Variants in XYLT2 observed in about 807,000 individuals in gnomAD.
XYLT2 encodes the protein xylosyltransferase 2, also known as UDP-D-xylose:proteoglycan core protein beta-D-xylosyltransferase.
XYLT2 carries 37 observed loss-of-function variants against 82.6 expected under a neutral mutation model. The observed-to-expected ratio is 0.45, with a 90% CI of 0.34 to 0.59. The LOEUF is 0.59. Ranked by LOEUF, XYLT2 falls within the 20% of genes least tolerant of loss-of-function variation. XYLT2 has a pLI of 0.01. For synonymous variants in XYLT2, 474 were observed against 499.0 expected, an observed-to-expected ratio of 0.95 and a Z score of 0.67; for missense variants, 934 against 1,181.3, an observed-to-expected ratio of 0.79 and a Z score of 3.07.
Position 50,357,084 on chromosome 17 carries a change from C to T in XYLT2, c.1773C>T (p.Ser591=), listed in dbSNP as rs769862588. The T allele has an allele frequency of 1.8e-4, 291 of 1,611,592 alleles. No individual in the cohort carries two copies. Among genetic ancestry groups the T allele is most frequent in the Middle Eastern group, 3.3e-4 (2 of 6,072 alleles). ...TTGAGCCCAGGGGCTTGCCGTCCAGCGTGCACCTGTATTTCTATGACGACC... is the reference window on the plus strand; with the variant it reads ...TTGAGCCCAGGGGCTTGCCGTCCAGTGTGCACCTGTATTTCTATGACGACC... The part of the protein sequence containing the change: ...CRFEPRGLPS[S]VHLYFYDDHF... Residue 591 remains serine, a synonymous_variant, in exon 9 of 11, where the codon AGC becomes AGT. Transcript: ENST00000017003.
chr17:50,347,622 G>A (rs186737353), intron 1 of XYLT2, among the ~76,000 whole-genome samples: 93 of 152,336 alleles, frequency 6.1e-4, no homozygotes, highest in African/African-American at 2.1e-3. Context: ...GGAGCCCTCT[G>A]ACCCTGGAAT....
chr17:50,358,402 C>T lies in XYLT2; in HGVS notation c.2137C>T (p.Gln713Ter), dbSNP rs1314006456. 6.2e-7 allele frequency: 1 copy of T among 1,614,016 alleles called. No individual in the cohort carries two copies. The highest frequency in any genetic ancestry group is 8.5e-7 in the Non-Finnish European group (1 of 1,180,050). The change falls in exon 10 of 11, where the codon CAA becomes TAA. Residue 713 changes from glutamine (Q) to a stop codon, truncating the protein, a stop_gained. Coordinates refer to ENST00000017003, the MANE Select transcript of XYLT2 (RefSeq NM_022167.4). LOFTEE classifies it high-confidence loss of function. ...AGTAGATACGGAGACTGAGGTCACG[C>T]AATACAAGCCCCCACTGAGCCGGCC... ...ITVDTETEVT[Q>*]YKPPLSRPLR...
Position 50,356,022 on chromosome 17 carries a change from G to C in XYLT2, c.1305+25G>C, listed in dbSNP as rs555233211. The C allele has an allele frequency of 1.5e-4, 250 of 1,614,198 alleles. 3 individuals are homozygous for C. In the South Asian group the frequency reaches 2.5e-3, roughly 16 times the overall value. The stretch of plus-strand genomic sequence containing the variant: ...GGTGGGTAGCCCAGCAGGCATGAAG[G>C]CCAGGGAGGGCGTGGGTTGGGCTGC... On this transcript the variant is annotated intron_variant, in intron 6 of 10. Transcript: ENST00000017003.
chr17:50,356,477 G>C (rs764470045), intron 7 of XYLT2, 34 bp from the exon 8 acceptor site: 6 of 1,607,598 alleles, frequency 3.7e-6, no homozygotes, highest in Non-Finnish European at 5.1e-6. Flanking sequence ...GGGGCTTCCA[G>C]AGCCCTTCAC....
At position 50,347,014 on chromosome 17, in the gene XYLT2, G is replaced by C. The variant is rs958536563; in HGVS notation, c.135+739G>C. ...GAATGGGGACTGTAACAGAGCCCCA[G>C]CCGCAGAGCAGGGGCAACCAACAGC... On this transcript the variant is annotated intron_variant, in intron 1 of 10. Transcript: ENST00000017003. The C allele has an allele frequency of 7.1e-5, 62 of 873,638 alleles. No homozygotes were observed. The African/African-American group carries it at 1.1e-3, about 15-fold the overall frequency. The allele number at this position is 873,638 out of a possible 1,614,324, so 54.1% of individuals were successfully genotyped here.
chr17:50,356,103 C>G lies in XYLT2; in HGVS notation c.1324C>G (p.Leu442Val), dbSNP rs1253283692. ...LPAESFFHTVLENSLACETLV... is the reference protein window; with the variant it reads ...LPAESFFHTVVENSLACETLV... ...CTTGCAGTCCTTCTTCCACACGGTG[C>G]TGGAGAACAGCCTGGCCTGTGAGAC... Residue 442 changes from leucine (L) to valine (V), a missense_variant, in exon 7 of 11, where the codon CTG becomes GTG. This residue lies in a region of XYLT2 where 189 missense variants were observed against 320.8 expected (regional missense o/e 0.59). Coordinates refer to ENST00000017003, the MANE Select transcript of XYLT2 (RefSeq NM_022167.4). 1.2e-6 allele frequency: 2 copies of G among 1,614,114 alleles called. No homozygotes were observed. The highest frequency in any genetic ancestry group is 1.7e-6 in the Non-Finnish European group (2 of 1,180,040).
Position 50,354,543 on chromosome 17 carries a change from T to A in XYLT2, c.764T>A (p.Val255Asp), listed in dbSNP as rs1449088844. Reference protein sequence around the residue: ...IRQLKRLLKAVYHEQHFFYIH... With the variant: ...IRQLKRLLKADYHEQHFFYIH... ...CAGCTGAAGCGTCTCCTCAAGGCCG[T>A]TTATCACGAGCAGCACTTCTTTTAC... The change falls in exon 3 of 11, where the codon GTT becomes GAT. Residue 255 changes from valine to aspartate, a missense_variant. Val to Asp is a radical substitution (Grantham distance 152). Transcript: ENST00000017003. 6.2e-7 allele frequency: 1 copy of A among 1,612,566 alleles called. No individual in the cohort carries two copies. Among genetic ancestry groups the A allele is most frequent in the African/African-American group, 1.3e-5 (1 of 74,914 alleles).
Position 50,360,787 on chromosome 17 carries a change from G to A in XYLT2, c.*496G>A, listed in dbSNP as rs78035001. 212,516 of 985,868 alleles carry A rather than the reference G, an allele frequency of 0.22. 23,498 individuals carry two copies. Among genetic ancestry groups the A allele is most frequent in the Admixed American group, 0.3 (4,820 of 16,262 alleles). 61.1% of individuals were successfully genotyped at this position (985,868 alleles called of 1,614,324 possible). A position where few individuals can be genotyped will look rare whatever the true frequency, so the allele number is the denominator to read the frequency against. On this transcript the variant is annotated 3_prime_UTR_variant, in exon 11 of 11. Transcript: ENST00000017003. Reference sequence around the variant, plus strand: ...GCCCCATTCTGGGCCTGTGGTGCTCGTGGCTGAGGCTCCACAGGGCTGCAA... The same window carrying A: ...GCCCCATTCTGGGCCTGTGGTGCTCATGGCTGAGGCTCCACAGGGCTGCAA...
At chr17:50,356,489 C>T (rs1311340687) in intron 7 of XYLT2, 22 bp from the exon 8 acceptor site, 2 of 1,611,860 alleles carry the variant, frequency 1.2e-6, no homozygotes, top group Non-Finnish European at 8.5e-7. Flanking sequence ...GCCCTTCACC[C>T]TCCTTGCCTC....
chr17:50,356,029 A>T, intron 6 of XYLT2, 32 bp downstream of exon 6: 1 of 1,614,156 alleles, frequency 6.2e-7, no homozygotes, highest in Non-Finnish European at 8.5e-7. Context: ...AAGGCCAGGG[A>T]GGGCGTGGGT....
intron 4 of XYLT2, 100 bp from the exon 5 acceptor site, chr17:50,355,401 G>A: frequency 7.5e-7 from 1 of 1,334,186 alleles, no homozygotes; most frequent in Non-Finnish European, 1.1e-6. Flanking sequence ...CACATGGCCA[G>A]CCAGCAATCA....
chr17:50,360,574 T>TTTTTC lies in XYLT2; in HGVS notation c.*287_*288insCTTTT, dbSNP rs1555596868. Reference sequence around the variant, plus strand: ...CTAGTTTGAATTTCTTTTTTTTCTTTTTTTTTTTTTTTTTTTAATTTAAAA... The same window carrying TTTTTC: ...CTAGTTTGAATTTCTTTTTTTTCTTTTTTTCTTTTTTTTTTTTTTTTAATTTAAAA... On this transcript the variant is annotated 3_prime_UTR_variant, in exon 11 of 11. Coordinates refer to ENST00000017003, the MANE Select transcript of XYLT2 (RefSeq NM_022167.4). The TTTTTC allele has an allele frequency of 5.6e-6, 6 of 1,069,532 alleles. No homozygotes were observed. The African/African-American group carries it at 7.5e-5, about 13-fold the overall frequency. The allele number at this position is 1,069,532 out of a possible 1,614,324, so 66.3% of individuals were successfully genotyped here.
At position 50,357,101 on chromosome 17, in the gene XYLT2, A is replaced by G. The variant is rs762074183; in HGVS notation, c.1790A>G (p.Tyr597Cys). Reference protein sequence around the residue: ...GLPSSVHLYFYDDHFQGYLVT... With the variant: ...GLPSSVHLYFCDDHFQGYLVT... ...CCGTCCAGCGTGCACCTGTATTTCT[A>G]TGACGACCATTTCCAGGGCTACCTG... is the stretch of plus-strand genomic sequence containing the variant. Residue 597 changes from tyrosine (Y) to cysteine (C), a missense_variant, in exon 9 of 11, where the codon TAT (tyrosine) becomes TGT (cysteine). Transcript: ENST00000017003. The G allele has an allele frequency of 3.1e-6, 5 of 1,613,644 alleles. No individual in the cohort carries two copies. The highest frequency in any genetic ancestry group is 2.5e-6 in the Non-Finnish European group (3 of 1,179,776).
chr17:50,360,946 A>G lies in XYLT2; in HGVS notation c.*655A>G, dbSNP rs541042869. Reference sequence around the variant, plus strand: ...TGGGGCGGCTCCAGGGCTTTCCAGCATACCCTGCCCCTGGATGGGAAAGGC... The same window carrying G: ...TGGGGCGGCTCCAGGGCTTTCCAGCGTACCCTGCCCCTGGATGGGAAAGGC... On this transcript the variant is annotated 3_prime_UTR_variant, in exon 11 of 11. Coordinates refer to ENST00000017003, the MANE Select transcript of XYLT2 (RefSeq NM_022167.4). The G allele has an allele frequency of 1.3e-4, 124 of 985,944 alleles. No homozygotes were observed. In the African/African-American group the frequency reaches 1.8e-3, roughly 15 times the overall value. The allele number at this position is 985,944 out of a possible 1,614,324, so 61.1% of individuals were successfully genotyped here. A position where few individuals can be genotyped will look rare whatever the true frequency, so the allele number is the denominator to read the frequency against.
At position 50,356,909 on chromosome 17, in the gene XYLT2, G is replaced by A. The variant is rs1043457950; in HGVS notation, c.1745+136G>A. 28 of 1,474,516 alleles carry A rather than the reference G, an allele frequency of 1.9e-5. No homozygotes were observed. In the South Asian group the frequency reaches 3.2e-4, roughly 17 times the overall value. The allele number at this position is 1,474,516 out of a possible 1,614,324, so 91.3% of individuals were successfully genotyped here. On this transcript the variant is annotated intron_variant, in intron 8 of 10. Transcript: ENST00000017003. ...GAAAAATGCAAATACCGAAAAGACGGCTAGAGCCAGGCATGCAGGTGCTGT... is the reference window on the plus strand; with the variant it reads ...GAAAAATGCAAATACCGAAAAGACGACTAGAGCCAGGCATGCAGGTGCTGT...
intron 1 of XYLT2, among the ~76,000 whole-genome samples, chr17:50,350,931 CA>C (rs1262943757): frequency 2.0e-5 from 3 of 151,806 alleles, no homozygotes; most frequent in Admixed American, 6.6e-5. Context: ...CCAGGAGTGC[CA>C]GGGGGGATGA....
chr17:50,356,707 C>G lies in XYLT2; in HGVS notation c.1679C>G (p.Ala560Gly), dbSNP rs1912554984. The change falls in exon 8 of 11, where the codon GCC becomes GGC. Residue 560 changes from alanine (A) to glycine (G), a missense_variant. Coordinates refer to ENST00000017003, the MANE Select transcript of XYLT2 (RefSeq NM_022167.4). ...LSDVMLTAYT[A>G]FARLSLHHAA... is the part of the protein sequence containing the mutation. ...GATGTCATGCTCACTGCTTACACAG[C>G]CTTCGCCCGCCTCAGCCTGCACCAT... is the stretch of plus-strand genomic sequence containing the variant. 12 of 1,607,200 alleles carry G rather than the reference C, an allele frequency of 7.5e-6. No individual in the cohort carries two copies. The East Asian group carries it at 2.5e-4, about 33-fold the overall frequency.
rs2526537 is a variant in XYLT2 at position 50,360,694 on chromosome 17, G to T, written c.*403G>T. 513,031 of 994,732 alleles carry T rather than the reference G, an allele frequency of 0.52. 135,188 individuals are homozygous for T. The highest frequency in any genetic ancestry group is 0.88 in the East Asian group (8,201 of 9,276). The allele number at this position is 994,732 out of a possible 1,614,324, so 61.6% of individuals were successfully genotyped here. On this transcript the variant is annotated 3_prime_UTR_variant, in exon 11 of 11. Coordinates refer to ENST00000017003, the MANE Select transcript of XYLT2 (RefSeq NM_022167.4). ...AGTGGGCCATGTCTGTGGGGAGCAG[G>T]GGCTTGCTGAGCCCACCTGCTATTG...
chr17:50,354,388 C>T lies in XYLT2; in HGVS notation c.629-20C>T, dbSNP rs575578632. 65 of 1,593,238 alleles carry T rather than the reference C, an allele frequency of 4.1e-5. No individual in the cohort carries two copies. The South Asian group carries it at 6.2e-4, about 15-fold the overall frequency. ...TGTGACCTAGGGTGGGCCTCGCCAACGCCTGTCCTCTGCTCTCAGGGAAGA... is the reference window on the plus strand; with the variant it reads ...TGTGACCTAGGGTGGGCCTCGCCAATGCCTGTCCTCTGCTCTCAGGGAAGA... On this transcript the variant is annotated intron_variant, in intron 2 of 10. Transcript: ENST00000017003.
Sources: allele counts gnomAD v4.1 joint callset (sites outside exome capture counted in the v4.1 genomes callset), GRCh38; gene constraint gnomAD v4.1.1; regional missense constraint gnomAD v4.1.1; transcripts MANE v1.5; gene names NCBI Gene and HGNC (gene_info 2026-07-23, HGNC 2026-07-21).